Variants in CDH13 observed in about 807,000 individuals in gnomAD.
CDH13 encodes the protein cadherin 13.
CDH13 carries 24 observed loss-of-function variants against 63.8 expected under a neutral mutation model. That is an observed-to-expected ratio of 0.38 (90% CI 0.27 to 0.53). The LOEUF (loss-of-function observed/expected upper bound fraction) is 0.53. Among genes scored for constraint, CDH13 ranks in the 20% least tolerant of loss-of-function variants. CDH13 has a pLI of 0.85. For synonymous variants in CDH13, 503 were observed against 355.3 expected, an observed-to-expected ratio of 1.42 and a Z score of -4.67; for missense variants, 1,049 against 903.1, an observed-to-expected ratio of 1.16 and a Z score of -2.07.
chr16:82,889,032 G>A (rs1386087632), intron 2 of CDH13, among the ~76,000 whole-genome samples: 2 of 152,126 alleles, frequency 1.3e-5, no homozygotes, highest in Non-Finnish European at 2.9e-5. Flanking sequence ...AATCATTATT[G>A]TGGCTGACCA....
chr16:83,075,144 C>A (rs996996276), intron 3 of CDH13, among the ~76,000 whole-genome samples: 5 of 152,158 alleles, frequency 3.3e-5, no homozygotes, highest in African/African-American at 1.2e-4. Flanking sequence ...GATTGAGCTC[C>A]AGTTGCCCAC....
At chr16:83,510,304 T>A (rs1598187744) in intron 7 of CDH13, among the ~76,000 whole-genome samples, 1 of 152,218 alleles carries the variant, frequency 6.6e-6, no homozygotes, top group Admixed American at 6.5e-5. Flanking sequence ...GATCTTAGAA[T>A]GTAAAATATG....
intron 3 of CDH13, among the ~76,000 whole-genome samples, chr16:83,099,884 G>C (rs931692354): frequency 6.6e-6 from 1 of 152,150 alleles, no homozygotes; most frequent in Non-Finnish European, 1.5e-5. Flanking sequence ...TGTTATCGCT[G>C]CTGTTTTATG....
chr16:82,835,266 G>C (rs1027199292), intron 1 of CDH13, among the ~76,000 whole-genome samples: 1 of 152,204 alleles, frequency 6.6e-6, no homozygotes, highest in Non-Finnish European at 1.5e-5. Context: ...GTGACCGGTG[G>C]CTGCCGCATT....
At chr16:83,010,770 A>G (rs1567741762) in intron 2 of CDH13, among the ~76,000 whole-genome samples, 1 of 152,240 alleles carries the variant, frequency 6.6e-6, no homozygotes, top group Non-Finnish European at 1.5e-5. Flanking sequence ...ACCTATGATT[A>G]GAAACATCCT....
rs78853752 is a variant in CDH13, at chr16:83,513,423, G to A, written c.960+26768G>A. Among the ~76,000 whole-genome samples the A allele has an allele frequency of 8.7e-3, 1,320 of 152,242 alleles. 17 individuals carry two copies. The highest frequency in any genetic ancestry group is 0.014 in the Non-Finnish European group (953 of 68,016). Reference sequence around the variant, plus strand: ...CCAAAAAGTGCAAACTTCTCCTGTAGTTAGCATATTAGTTTGTTCTCATGC... The same window carrying A: ...CCAAAAAGTGCAAACTTCTCCTGTAATTAGCATATTAGTTTGTTCTCATGC... On this transcript the variant is annotated intron_variant, in intron 7 of 13. Transcript: ENST00000567109.
At chr16:83,655,769 C>T (rs915024726) in intron 8 of CDH13, among the ~76,000 whole-genome samples, 1 of 152,162 alleles carries the variant, frequency 6.6e-6, no homozygotes, top group African/African-American at 2.4e-5. Flanking sequence ...AGCAGGTGTT[C>T]AGTGGCTTCA....
At chr16:82,808,334 C>T (rs888550626) in intron 1 of CDH13, among the ~76,000 whole-genome samples, 1 of 152,268 alleles carries the variant, frequency 6.6e-6, no homozygotes, top group Non-Finnish European at 1.5e-5. Flanking sequence ...ATCTAACAGC[C>T]TTTGATACCT....
rs545836607 is a variant in CDH13 at position 83,108,030 on chromosome 16, A to C, written c.367-17355A>C. Among the ~76,000 whole-genome samples, 9 of 152,076 alleles carry C rather than the reference A, an allele frequency of 5.9e-5. 1 individual carries two copies. The highest frequency in any genetic ancestry group is 5.2e-4 in the Admixed American group (8 of 15,278). On this transcript the variant is annotated intron_variant, in intron 3 of 13. Coordinates refer to ENST00000567109, the MANE Select transcript of CDH13 (RefSeq NM_001257.5). The stretch of plus-strand genomic sequence containing the variant: ...TAGAGACGGGGTTTCACCATCTTGG[A>C]CAGGCTGGTCTTGACTCCCTGACCT...
chr16:83,129,375 C>A (rs79274506), intron 4 of CDH13, among the ~76,000 whole-genome samples: 1 of 152,068 alleles, frequency 6.6e-6, no homozygotes, highest in Non-Finnish European at 1.5e-5. Context: ...AGAAGTGGAC[C>A]GCAAGACAAG....
chr16:83,210,518 T>C (rs573451715), intron 4 of CDH13, among the ~76,000 whole-genome samples: 2 of 152,184 alleles, frequency 1.3e-5, no homozygotes, highest in South Asian at 4.2e-4. Flanking sequence ...CATTTACGTA[T>C]TCATTATGCA....
intron 1 of CDH13, among the ~76,000 whole-genome samples, chr16:82,806,844 A>G (rs988547333): frequency 1.3e-5 from 2 of 152,200 alleles, no homozygotes; most frequent in Non-Finnish European, 2.9e-5. Context: ...ATAAAGAAGG[A>G]CAAAACATAA....
chr16:83,335,946 G>A (rs1213740724), intron 5 of CDH13, among the ~76,000 whole-genome samples: 8 of 151,922 alleles, frequency 5.3e-5, no homozygotes, highest in East Asian at 1.9e-4. Context: ...TCTTTAACTC[G>A]GTGTCTGAGG....
intron 3 of CDH13, among the ~76,000 whole-genome samples, chr16:83,059,622 T>C (rs1317007502): frequency 6.6e-6 from 1 of 152,092 alleles, no homozygotes; most frequent in Non-Finnish European, 1.5e-5. Context: ...AGCCAGGCTG[T>C]TGCATGACAA....
intron 4 of CDH13, among the ~76,000 whole-genome samples, chr16:83,191,035 C>T (rs1310757791): frequency 6.6e-6 from 1 of 151,410 alleles, no homozygotes; most frequent in Admixed American, 6.6e-5. Context: ...AATCAAATTG[C>T]TTTATGTAGT....
At chr16:82,726,841 G>T (rs545047604) in intron 1 of CDH13, among the ~76,000 whole-genome samples, 1 of 152,284 alleles carries the variant, frequency 6.6e-6, no homozygotes, top group South Asian at 2.1e-4. Flanking sequence ...GAGGAAAATA[G>T]TATTAATAGT....
intron 7 of CDH13, among the ~76,000 whole-genome samples, chr16:83,514,535 C>T: frequency 6.6e-6 from 1 of 152,168 alleles, no homozygotes; most frequent in East Asian, 1.9e-4. Context: ...GTCTAAGCTA[C>T]TCAGGAGGCT....
chr16:82,878,075 T>A (rs1212797197), intron 2 of CDH13, among the ~76,000 whole-genome samples: 1 of 152,054 alleles, frequency 6.6e-6, no homozygotes, highest in Non-Finnish European at 1.5e-5. Context: ...TGAAATGTCT[T>A]CCCATATCAT....
At chr16:82,863,190 G>A (rs1597834299) in intron 2 of CDH13, among the ~76,000 whole-genome samples, 1 of 152,210 alleles carries the variant, frequency 6.6e-6, no homozygotes, top group African/African-American at 2.4e-5. Flanking sequence ...AAAGGAGCCA[G>A]CTGTCTTGGA....
Sources: gnomAD v4.1 joint callset for allele counts (sites outside exome capture counted in the v4.1 genomes callset) on GRCh38, gnomAD v4.1.1 for gene constraint, MANE v1.5 for transcripts, NCBI Gene and HGNC (gene_info 2026-07-23, HGNC 2026-07-21) for gene names.